Variants in ITPK1 observed in about 807,000 individuals in gnomAD.
The protein encoded by ITPK1 is inositol-tetrakisphosphate 1-kinase.
Under a neutral mutation model 45.3 loss-of-function variants are expected in ITPK1, and 21 were observed. The observed-to-expected ratio is 0.46, with a 90% CI of 0.33 to 0.67. The LOEUF is 0.67. Among genes scored for constraint, ITPK1 ranks in the 30% least tolerant of loss-of-function variants. ITPK1 has a pLI of 0.02. For missense variants in ITPK1, 474 were observed against 573.5 expected, an observed-to-expected ratio of 0.83 and a Z score of 1.77; for synonymous variants, 258 against 253.6, an observed-to-expected ratio of 1.02 and a Z score of -0.16.
At chr14:92,995,015 T>C (rs1278025346) in intron 4 of ITPK1, among the ~76,000 whole-genome samples, 1 of 152,072 alleles carries the variant, frequency 6.6e-6, no homozygotes, top group East Asian at 1.9e-4. Flanking sequence ...GACAGACAAC[T>C]GCAGTGACAC....
intron 3 of ITPK1, among the ~76,000 whole-genome samples, chr14:93,030,132 G>C (rs994502933): frequency 2.6e-5 from 4 of 152,232 alleles, no homozygotes; most frequent in African/African-American, 9.6e-5. Flanking sequence ...GCCAACATGG[G>C]AACTGAGGGT....
intron 4 of ITPK1, among the ~76,000 whole-genome samples, chr14:92,994,997 C>T (rs990076138): frequency 1.3e-5 from 2 of 152,088 alleles, no homozygotes; most frequent in Non-Finnish European, 1.5e-5. Flanking sequence ...GGGAGGAGGC[C>T]GTGTGGAGAC....
chr14:93,101,350 T>C (rs1892312490), intron 2 of ITPK1, among the ~76,000 whole-genome samples: 1 of 152,240 alleles, frequency 6.6e-6, no homozygotes, highest in South Asian at 2.1e-4. Flanking sequence ...CTGGACTCTG[T>C]GGAGGTTTAC....
chr14:93,039,757 A>G (rs964105353), intron 3 of ITPK1, among the ~76,000 whole-genome samples: 11 of 152,236 alleles, frequency 7.2e-5, no homozygotes, highest in African/African-American at 2.7e-4. Context: ...TCAGGCTGGT[A>G]TTCAGCCTCA....
chr14:93,107,347 A>G (rs771761696), intron 2 of ITPK1, among the ~76,000 whole-genome samples: 3 of 152,204 alleles, frequency 2.0e-5, no homozygotes, highest in Non-Finnish European at 4.4e-5. Flanking sequence ...CTCTACCTTC[A>G]TAGAACCAAC....
chr14:92,957,326 A>G (rs1261744028), intron 8 of ITPK1, among the ~76,000 whole-genome samples: 1 of 152,262 alleles, frequency 6.6e-6, no homozygotes, highest in Non-Finnish European at 1.5e-5. Context: ...CCTCCTGGAA[A>G]GCTACTTATC....
chr14:93,092,044 C>G (rs1219224248), intron 2 of ITPK1, among the ~76,000 whole-genome samples: 2 of 152,190 alleles, frequency 1.3e-5, no homozygotes, highest in African/African-American at 4.8e-5. Context: ...CCACCTCATT[C>G]CCCACTTTTT....
At chr14:92,953,491 G>A (rs368322310) in intron 8 of ITPK1, among the ~76,000 whole-genome samples, 16 of 152,356 alleles carry the variant, frequency 1.1e-4, no homozygotes, top group Admixed American at 3.3e-4. Flanking sequence ...GTGGGCTTGC[G>A]GCTGGAACAG....
chr14:93,033,115 T>C (rs551431768), intron 3 of ITPK1, among the ~76,000 whole-genome samples: 3 of 152,328 alleles, frequency 2.0e-5, no homozygotes, highest in East Asian at 3.9e-4. Context: ...CTCAAATTTG[T>C]TGGGTCCCAG....
intron 5 of ITPK1, among the ~76,000 whole-genome samples, chr14:92,983,021 C>A (rs555385967): frequency 2.0e-5 from 3 of 152,182 alleles, no homozygotes; most frequent in African/African-American, 7.2e-5. Flanking sequence ...CAGCAAGCCA[C>A]GGGCAGGGGA....
chr14:93,013,976 C>T (rs1888048217), intron 4 of ITPK1, among the ~76,000 whole-genome samples: 1 of 152,172 alleles, frequency 6.6e-6, no homozygotes, highest in South Asian at 2.1e-4. Context: ...ATTCTCTGTG[C>T]CAACCCTGCC....
chr14:93,054,339 T>A (rs1268740005), intron 3 of ITPK1, among the ~76,000 whole-genome samples: 1 of 152,232 alleles, frequency 6.6e-6, no homozygotes, highest in Non-Finnish European at 1.5e-5. Flanking sequence ...GTCTGCTGCA[T>A]GGAAAACAGC....
chr14:93,115,283 G>T lies in ITPK1; in HGVS notation c.-120C>A. On this transcript the variant is annotated 5_prime_UTR_variant, in exon 2 of 11. Transcript: ENST00000267615. The stretch of plus-strand genomic sequence containing the variant: ...CCCGGCGGCGGGGACGCGGAACGGG[G>T]ATCGGAGCTGGGGCGCGCAGTCCTG... 1.6e-6 allele frequency: 1 copy of T among 630,768 alleles called. No individual in the cohort carries two copies. The highest frequency in any genetic ancestry group is 2.7e-6 in the Non-Finnish European group (1 of 366,582). 39.1% of individuals were successfully genotyped at this position (630,768 alleles called of 1,614,324 possible).
intron 2 of ITPK1, among the ~76,000 whole-genome samples, chr14:93,084,212 G>A (rs1891562080): frequency 6.6e-6 from 1 of 152,236 alleles, no homozygotes; most frequent in African/African-American, 2.4e-5. Flanking sequence ...GGGCTGAGTG[G>A]CGACGAAGCC....
At position 93,036,144 on chromosome 14, in the gene ITPK1, A is replaced by C. The variant is rs972470924; in HGVS notation, c.121-19343T>G. On this transcript the variant is annotated intron_variant, in intron 3 of 10. Transcript: ENST00000267615. The surrounding 1 kb of genome is among the most constrained non-coding windows in gnomAD (Gnocchi z 4.1). ...AGACCTGCCCCTCCCCAGGAGCCCA[A>C]GGTCCCAGGAGCCCAAGGTCGGTAA... Among the ~76,000 whole-genome samples the C allele has an allele frequency of 6.6e-6, 1 of 151,824 alleles. No individual in the cohort carries two copies. Among genetic ancestry groups the C allele is most frequent in the Non-Finnish European group, 1.5e-5 (1 of 67,998 alleles).
At chr14:93,077,224 T>G (rs1317444953) in intron 2 of ITPK1, among the ~76,000 whole-genome samples, 1 of 152,200 alleles carries the variant, frequency 6.6e-6, no homozygotes, top group Non-Finnish European at 1.5e-5. Context: ...GTAACCTGAC[T>G]CTTGCCACCC....
At chr14:92,972,143 A>G (rs1885691144) in intron 5 of ITPK1, among the ~76,000 whole-genome samples, 1 of 152,222 alleles carries the variant, frequency 6.6e-6, no homozygotes, top group Non-Finnish European at 1.5e-5. Context: ...AGCTCCCAGC[A>G]AGGCGTCCAT....
At chr14:92,991,681 C>G (rs4905024) in intron 5 of ITPK1, among the ~76,000 whole-genome samples, 15,539 of 152,078 alleles carry the variant, frequency 0.1, 1,999 homozygotes, top group African/African-American at 0.3. Flanking sequence ...CTTCCTCTCA[C>G]CATGTGACTT....
At chr14:93,037,627 C>G (rs1055021647) in intron 3 of ITPK1, among the ~76,000 whole-genome samples, 1 of 152,182 alleles carries the variant, frequency 6.6e-6, no homozygotes, top group African/African-American at 2.4e-5. Context: ...GGCTGAGATT[C>G]AAACTCAGCT....
Sources: gnomAD v4.1 joint callset for allele counts (sites outside exome capture counted in the v4.1 genomes callset) on GRCh38, gnomAD v4.1.1 for gene constraint, Gnocchi (gnomAD v3.1) non-coding constraint, MANE v1.5 for transcripts, NCBI Gene and HGNC (gene_info 2026-07-23, HGNC 2026-07-21) for gene names.